Variants in MYO9A observed in about 807,000 individuals in gnomAD.
MYO9A encodes myosin IXA, also known as unconventional myosin-IXa.
A neutral mutation model predicts 293.3 loss-of-function variants in MYO9A; 103 were observed. That is an observed-to-expected ratio of 0.35 (90% CI 0.30 to 0.41). MYO9A has a LOEUF of 0.41. MYO9A is among the 10% of genes least tolerant of loss of function. The pLI is 1.00. For missense variants in MYO9A, 2,685 were observed against 3,033.0 expected, an observed-to-expected ratio of 0.89 and a Z score of 2.69; for synonymous variants, 1,001 against 1,035.7, an observed-to-expected ratio of 0.97 and a Z score of 0.64.
chr15:71,896,474 A>G (rs1363722688), intron 25 of MYO9A, among the ~76,000 whole-genome samples: 1 of 152,160 alleles, frequency 6.6e-6, no homozygotes, highest in Non-Finnish European at 1.5e-5. Context: ...CTAGTTTAAA[A>G]AAGTATAAAG....
At chr15:71,902,146 G>A (rs568814390) in intron 22 of MYO9A, among the ~76,000 whole-genome samples, 1 of 152,026 alleles carries the variant, frequency 6.6e-6, no homozygotes, top group East Asian at 1.9e-4. Context: ...TCCCACCTGA[G>A]TAACACAGAG....
chr15:71,913,249 C>T (rs2057913174), intron 19 of MYO9A, among the ~76,000 whole-genome samples: 1 of 151,962 alleles, frequency 6.6e-6, no homozygotes. Flanking sequence ...GATGTTAATC[C>T]AATTTAGCTT....
At chr15:72,027,386 T>C (rs916038548) in intron 4 of MYO9A, among the ~76,000 whole-genome samples, 1 of 152,156 alleles carries the variant, frequency 6.6e-6, no homozygotes, top group Non-Finnish European at 1.5e-5. Flanking sequence ...AGTAATACAA[T>C]GGAATTAAGA....
intron 22 of MYO9A, 103 bp from the exon 23 acceptor site, chr15:71,901,443 C>A: frequency 8.7e-7 from 1 of 1,150,408 alleles, no homozygotes; most frequent in Non-Finnish European, 1.2e-6. Flanking sequence ...AGAACAAACA[C>A]AGTGGCAGGC....
chr15:71,938,439 T>G (rs2058692472), intron 16 of MYO9A, among the ~76,000 whole-genome samples: 1 of 152,114 alleles, frequency 6.6e-6, no homozygotes, highest in African/African-American at 2.4e-5. Flanking sequence ...AAGGTAAGCT[T>G]TGGTAATCGC....
chr15:71,943,444 T>C (rs2058829922), intron 15 of MYO9A, among the ~76,000 whole-genome samples: 1 of 152,074 alleles, frequency 6.6e-6, no homozygotes, highest in Admixed American at 6.5e-5. Flanking sequence ...ATTTTTTATT[T>C]TGGATATTCT....
At chr15:72,107,441 C>T (rs2080609887) in intron 1 of MYO9A, among the ~76,000 whole-genome samples, 1 of 152,016 alleles carries the variant, frequency 6.6e-6, no homozygotes, top group Non-Finnish European at 1.5e-5. Flanking sequence ...CCCAGCTACT[C>T]CAGAGGCTGA....
rs1317643945 is a variant in MYO9A at position 71,978,219 on chromosome 15, A to G, written c.1796T>C (p.Ile599Thr). The stretch of plus-strand genomic sequence containing the variant: ...AAGCAGTCCTGTTGGTTTTTTGCTA[A>G]TAAGATTTATGCAGCAGGTATTATC... ...YIDNTCCINL[I>T]SKKPTGLLHL... Residue 599 changes from isoleucine to threonine, a missense_variant, in exon 12 of 42, where the codon ATT becomes ACT. Around this residue, in one of 10 missense-constraint regions of MYO9A, gnomAD observed 201 missense variants for 245.2 expected, o/e 0.82. Transcript: ENST00000356056. The G allele has an allele frequency of 1.9e-6, 3 of 1,613,260 alleles. No homozygotes were observed. The highest frequency in any genetic ancestry group is 2.2e-5 in the East Asian group (1 of 44,756).
intron 11 of MYO9A, among the ~76,000 whole-genome samples, chr15:71,987,531 C>T (rs1449924931): frequency 6.6e-6 from 1 of 152,154 alleles, no homozygotes; most frequent in African/African-American, 2.4e-5. Flanking sequence ...CCAGAATCAA[C>T]CCTGGAAAAT....
At chr15:72,090,766 T>C (rs753108290) in intron 1 of MYO9A, among the ~76,000 whole-genome samples, 5 of 152,138 alleles carry the variant, frequency 3.3e-5, no homozygotes, top group Non-Finnish European at 7.4e-5. Flanking sequence ...CTTGGAAAGA[T>C]AATAAACCAC....
intron 15 of MYO9A, among the ~76,000 whole-genome samples, chr15:71,942,345 T>G (rs895659055): frequency 9.2e-5 from 14 of 152,062 alleles, no homozygotes; most frequent in African/African-American, 3.1e-4. Context: ...AACTCTTTCC[T>G]AATATTCTTA....
chr15:71,832,603 A>G (rs2054774369), intron 39 of MYO9A, among the ~76,000 whole-genome samples: 1 of 152,224 alleles, frequency 6.6e-6, no homozygotes, highest in South Asian at 2.1e-4. Context: ...TATACAGAAA[A>G]TAATTTTCAG....
At chr15:71,849,559 G>A (rs554048798) in intron 38 of MYO9A, among the ~76,000 whole-genome samples, 1 of 152,022 alleles carries the variant, frequency 6.6e-6, no homozygotes, top group African/African-American at 2.4e-5. Context: ...TCTGGGGATG[G>A]GATCCAAATA....
chr15:72,056,361 T>C (rs1036427220), intron 1 of MYO9A, among the ~76,000 whole-genome samples: 2 of 151,806 alleles, frequency 1.3e-5, no homozygotes, highest in African/African-American at 4.8e-5. Flanking sequence ...AATCAATGAG[T>C]GGATAAAGAA....
At chr15:71,959,262 T>C (rs1044118013) in intron 14 of MYO9A, 1 of 152,242 alleles carries the variant, frequency 6.6e-6, no homozygotes, top group African/African-American at 2.4e-5. Flanking sequence ...CTCTCTCAAA[T>C]ATATCTATTT....
chr15:71,916,365 A>G lies in MYO9A; in HGVS notation c.2685+5T>C, dbSNP rs775950449. ...TTATTTGTTTTAAGCGAAACAAGAA[A>G]TAACCTGAAACTGGGCACTGATGCT... is the stretch of plus-strand genomic sequence containing the variant. On this transcript the variant is annotated splice_donor_5th_base_variant and intron_variant, in intron 19 of 41. Transcript: ENST00000356056. 1.2e-6 allele frequency: 2 copies of G among 1,605,300 alleles called. No individual in the cohort carries two copies. The highest frequency in any genetic ancestry group is 1.7e-6 in the Non-Finnish European group (2 of 1,177,790).
intron 15 of MYO9A, among the ~76,000 whole-genome samples, chr15:71,942,694 G>C (rs1305073426): frequency 6.6e-6 from 1 of 151,904 alleles, no homozygotes; most frequent in Non-Finnish European, 1.5e-5. Flanking sequence ...TCTCTAAAGA[G>C]TACAAGAACC....
Position 71,897,938 on chromosome 15 carries a change from A to G in MYO9A, c.4565T>C (p.Ile1522Thr). Reference protein sequence around the residue: ...MMEQIRQQTDILEKERKAFKT... With the variant: ...MMEQIRQQTDTLEKERKAFKT... ...GAAGGCTTTGCGCTCCTTCTCTAAAATATCTGTTTGCTGGCGAATCTGTTC... is the reference window on the plus strand; with the variant it reads ...GAAGGCTTTGCGCTCCTTCTCTAAAGTATCTGTTTGCTGGCGAATCTGTTC... The change falls in exon 25 of 42, where the codon ATT (isoleucine) becomes ACT (threonine). Residue 1522 changes from isoleucine (I) to threonine (T), a missense_variant. Coordinates refer to ENST00000356056, the MANE Select transcript of MYO9A (RefSeq NM_006901.4). 1 of 1,614,130 alleles carries G rather than the reference A, an allele frequency of 6.2e-7. No individual in the cohort carries two copies. The highest frequency in any genetic ancestry group is 8.5e-7 in the Non-Finnish European group (1 of 1,180,024).
At chr15:71,927,054 A>C (rs2145430562) in intron 18 of MYO9A, among the ~76,000 whole-genome samples, 1 of 152,212 alleles carries the variant, frequency 6.6e-6, no homozygotes, top group South Asian at 2.1e-4. Flanking sequence ...GGGGCCACCA[A>C]GTGGGCCCAT....
Sources: gnomAD v4.1 joint callset for allele counts (sites outside exome capture counted in the v4.1 genomes callset) on GRCh38, gnomAD v4.1.1 for gene constraint, gnomAD v4.1.1 regional missense constraint, MANE v1.5 for transcripts, NCBI Gene and HGNC (gene_info 2026-07-23, HGNC 2026-07-21) for gene names.